PHF24: variants seen among roughly 807,000 people sequenced by gnomAD.
PHF24 encodes PHD finger protein 24, also known as Galpha inhibitory interacting protein.
A neutral mutation model predicts 42.6 loss-of-function variants in PHF24; 25 were observed. That is an observed-to-expected ratio of 0.59 (90% confidence interval 0.43 to 0.82). The LOEUF is 0.82. Among genes scored for constraint, PHF24 ranks in the 40% least tolerant of loss-of-function variants. The pLI, the probability that PHF24 is intolerant of heterozygous loss-of-function variation, is 0.00. For synonymous variants in PHF24, 185 were observed against 204.8 expected, an observed-to-expected ratio of 0.90 and a Z score of 0.83; for missense variants, 470 against 538.1, an observed-to-expected ratio of 0.87 and a Z score of 1.25.
chr9:34,675,221 A>AG, the PHF24 span, among the ~76,000 whole-genome samples: 1 of 152,188 alleles, frequency 6.6e-6, no homozygotes, highest in South Asian at 2.1e-4. Flanking sequence ...AAGGGCCTGC[A>AG]GGGGGCGTCC....
At chr9:34,938,481 G>A in the PHF24 span, among the ~76,000 whole-genome samples, 1 of 152,220 alleles carries the variant, frequency 6.6e-6, no homozygotes, top group African/African-American at 2.4e-5. Context: ...GCAGAGGCAG[G>A]AAAACAGGAA....
At chr9:34,748,485 G>C in the PHF24 span, among the ~76,000 whole-genome samples, 6 of 152,252 alleles carry the variant, frequency 3.9e-5, no homozygotes, top group East Asian at 1.2e-3. Flanking sequence ...GTGGCCACAG[G>C]CTTGCTTGTT....
At chr9:34,855,889 T>G in the PHF24 span, among the ~76,000 whole-genome samples, 2 of 152,206 alleles carry the variant, frequency 1.3e-5, no homozygotes, top group Non-Finnish European at 2.9e-5. Flanking sequence ...TTCCTTCTCC[T>G]TGTCTCTTTC....
At chr9:34,828,446 AC>A in the PHF24 span, among the ~76,000 whole-genome samples, 2 of 151,724 alleles carry the variant, frequency 1.3e-5, no homozygotes, top group Non-Finnish European at 2.9e-5. Context: ...TTTTTCAAAA[AC>A]CCTCTCTGAA....
At chr9:34,741,263 A>G in the PHF24 span, among the ~76,000 whole-genome samples, 1 of 152,154 alleles carries the variant, frequency 6.6e-6, no homozygotes, top group African/African-American at 2.4e-5. Context: ...ATTAAGGGCT[A>G]TCTTAAAGGC....
the PHF24 span, among the ~76,000 whole-genome samples, chr9:34,790,225 A>G: frequency 6.6e-6 from 1 of 152,222 alleles, no homozygotes; most frequent in African/African-American, 2.4e-5. Flanking sequence ...GCAAAGATCA[A>G]TAACAAGAGT....
Position 34,976,629 on chromosome 9 carries a change from GC to G in PHF24, c.739del (p.Gln247ArgfsTer17), listed in dbSNP as rs774286129. On this transcript the variant is annotated frameshift_variant, in exon 5 of 8. Coordinates refer to ENST00000242315, the Ensembl canonical transcript of PHF24. LOFTEE classifies it high-confidence loss of function. The stretch of plus-strand genomic sequence containing the variant: ...GGGCCCTGAGTGAGGAGCAAGAAGA[GC>G]AGGCGGCCCGCCAGTTTGCTGCCCT... The G allele has an allele frequency of 6.2e-7, 1 of 1,614,174 alleles. No homozygotes were observed. Among genetic ancestry groups the G allele is most frequent in the Non-Finnish European group, 8.5e-7 (1 of 1,179,980 alleles).
chr9:34,827,838 C>A, the PHF24 span, among the ~76,000 whole-genome samples: 1 of 152,166 alleles, frequency 6.6e-6, no homozygotes, highest in Non-Finnish European at 1.5e-5. Context: ...TCCCTCATCT[C>A]ACTGAGCACT....
At chr9:34,944,907 GA>G in the PHF24 span, among the ~76,000 whole-genome samples, 11 of 147,346 alleles carry the variant, frequency 7.5e-5, no homozygotes, top group Middle Eastern at 3.5e-3. Context: ...AAAAAAAAAG[GA>G]AAAAAAGAAA....
the PHF24 span, among the ~76,000 whole-genome samples, chr9:34,937,077 G>A: frequency 3.9e-5 from 3 of 76,326 alleles, no homozygotes; most frequent in African/African-American, 7.7e-5. Context: ...GGTGAGGGGC[G>A]CCTCTGCCCC....
chr9:34,777,643 G>A, the PHF24 span, among the ~76,000 whole-genome samples: 1 of 152,164 alleles, frequency 6.6e-6, no homozygotes, highest in Non-Finnish European at 1.5e-5. Context: ...CTTTGCTCAT[G>A]CCTCAGTCCC....
chr9:34,898,794 C>T, the PHF24 span, among the ~76,000 whole-genome samples: 3 of 152,204 alleles, frequency 2.0e-5, no homozygotes, highest in Non-Finnish European at 4.4e-5. Context: ...AGAATCACCA[C>T]ATCTGCAAGT....
At chr9:34,737,183 T>C in the PHF24 span, among the ~76,000 whole-genome samples, 1 of 152,218 alleles carries the variant, frequency 6.6e-6, no homozygotes, top group Admixed American at 6.5e-5. Context: ...CTGTATTTAT[T>C]AGGCATTCAC....
chr9:34,779,765 G>A, the PHF24 span, among the ~76,000 whole-genome samples: 518 of 152,156 alleles, frequency 3.4e-3, 3 homozygotes, highest in African/African-American at 0.012. Flanking sequence ...CACTCTTGTC[G>A]CCCAGGCTGG....
At chr9:34,939,352 A>T in the PHF24 span, among the ~76,000 whole-genome samples, 9 of 152,352 alleles carry the variant, frequency 5.9e-5, no homozygotes, top group South Asian at 1.9e-3. Flanking sequence ...CAAGAAGTAG[A>T]TGCCAAGAAT....
chr9:34,841,823 C>T, the PHF24 span, among the ~76,000 whole-genome samples: 1 of 152,200 alleles, frequency 6.6e-6, no homozygotes. Context: ...CACCACTGCT[C>T]TCCAACCTGG....
At chr9:34,783,426 T>G in the PHF24 span, among the ~76,000 whole-genome samples, 1 of 152,236 alleles carries the variant, frequency 6.6e-6, no homozygotes, top group Non-Finnish European at 1.5e-5. Flanking sequence ...CCCAAGACTT[T>G]GTGCTCCTGG....
the PHF24 span, among the ~76,000 whole-genome samples, chr9:34,688,575 C>A: frequency 6.6e-6 from 1 of 152,170 alleles, no homozygotes; most frequent in Non-Finnish European, 1.5e-5. Flanking sequence ...CCTGGCTACT[C>A]CTTCTTCCAC....
the PHF24 span, among the ~76,000 whole-genome samples, chr9:34,933,760 CAACTGA>C: frequency 6.6e-6 from 1 of 150,924 alleles, no homozygotes; most frequent in Admixed American, 6.6e-5. Context: ...AACATGGAGG[CAACTGA>C]AGTTAGAGTT....
Sources: allele counts gnomAD v4.1 joint callset (sites outside exome capture counted in the v4.1 genomes callset), GRCh38; gene constraint gnomAD v4.1.1; transcripts MANE v1.5; gene names NCBI Gene and HGNC (gene_info 2026-07-23, HGNC 2026-07-21).